The following DDX60 variants were observed in gnomAD, a reference collection of about 807,000 sequenced individuals.
DDX60 encodes the protein probable ATP-dependent RNA helicase DDX60.
DDX60 carries 165 observed loss-of-function variants against 212.8 expected under a neutral mutation model. The observed-to-expected ratio is 0.78, with a 90% CI of 0.68 to 0.88. The LOEUF is 0.88. Among genes scored for constraint, DDX60 ranks in the 40% least tolerant of loss-of-function variants. The pLI is 0.00. For missense variants in DDX60, 1,905 were observed against 2,003.9 expected (o/e 0.95, Z 0.94); for synonymous variants, 703 against 685.3 (o/e 1.03, Z -0.40).
At chr4:168,236,194 G>A (rs970929526) in intron 33 of DDX60, 58 bp downstream of exon 33, 2 of 1,517,406 alleles carry the variant, frequency 1.3e-6, no homozygotes, top group Admixed American at 4.0e-5. Context: ...AGTCATTTTA[G>A]GTAAGATCTA....
At chr4:168,236,835 T>C (rs1330618607) in intron 32 of DDX60, among the ~76,000 whole-genome samples, 1 of 151,812 alleles carries the variant, frequency 6.6e-6, no homozygotes, top group Non-Finnish European at 1.5e-5. Flanking sequence ...TACTATACAA[T>C]AATATTCAAA....
At chr4:168,229,532 C>T (rs1252788914) in intron 33 of DDX60, among the ~76,000 whole-genome samples, 2 of 151,882 alleles carry the variant, frequency 1.3e-5, no homozygotes, top group Non-Finnish European at 2.9e-5. Context: ...ACAGGGAGTG[C>T]AGATACAAGC....
At chr4:168,260,068 T>C (rs1681316726) in intron 25 of DDX60, among the ~76,000 whole-genome samples, 1 of 152,092 alleles carries the variant, frequency 6.6e-6, no homozygotes, top group African/African-American at 2.4e-5. Flanking sequence ...AATACAAATA[T>C]AAGAATTGAA....
intron 16 of DDX60, among the ~76,000 whole-genome samples, chr4:168,274,555 T>C (rs1187235851): frequency 1.3e-5 from 2 of 152,126 alleles, no homozygotes; most frequent in Non-Finnish European, 2.9e-5. Context: ...AATAAGTCTA[T>C]GTAATAGGTA....
intron 37 of DDX60, among the ~76,000 whole-genome samples, 155 bp from the exon 38 acceptor site, chr4:168,217,187 T>TA (rs1732877980): frequency 6.6e-6 from 1 of 152,104 alleles, no homozygotes; most frequent in African/African-American, 2.4e-5. Context: ...ATATTTCTCC[T>TA]AAAAAATCTT....
intron 6 of DDX60, among the ~76,000 whole-genome samples, chr4:168,294,665 C>CT (rs1344932998): frequency 1.3e-5 from 2 of 151,922 alleles, no homozygotes; most frequent in Non-Finnish European, 2.9e-5. Context: ...TACTGCCAGG[C>CT]TAATTTTTGT....
intron 30 of DDX60, among the ~76,000 whole-genome samples, chr4:168,244,806 T>C (rs534133321): frequency 2.0e-5 from 3 of 152,188 alleles, no homozygotes; most frequent in Admixed American, 2.0e-4. Context: ...AAATCCACAT[T>C]TGCATTATGA....
chr4:168,260,134 C>T (rs961957285), intron 25 of DDX60, among the ~76,000 whole-genome samples: 1 of 151,916 alleles, frequency 6.6e-6, no homozygotes, highest in Non-Finnish European at 1.5e-5. Context: ...TAAAATTATA[C>T]TTTAAGTTCT....
rs1389719033 is a variant in DDX60 at position 168,284,883 on chromosome 4, C to T, written c.1498G>A (p.Val500Met). 6.3e-7 allele frequency: 1 copy of T among 1,598,136 alleles called. No homozygotes were observed. The highest frequency in any genetic ancestry group is 1.1e-5 in the South Asian group (1 of 88,176). ...LVKQKEFDEL[V>M]HWHSHKPLSD... ...AGGGGTTTATGAGAATGCCAGTGCA[C>T]AAGTTCATCAAATTCCTTTTGTTTA... Residue 500 changes from valine (V) to methionine (M), a missense_variant, in exon 12 of 38, where the codon GTG (valine) becomes ATG (methionine). Val to Met is a conservative substitution (Grantham distance 21). Coordinates refer to ENST00000393743, the MANE Select transcript of DDX60 (RefSeq NM_017631.6).
chr4:168,306,833 T>C, intron 4 of DDX60, 113 bp from the exon 5 acceptor site: 1 of 790,684 alleles, frequency 1.3e-6, no homozygotes, highest in East Asian at 2.6e-5. Context: ...TTTTGTTCTG[T>C]CTGATGGTCG....
intron 22 of DDX60, among the ~76,000 whole-genome samples, chr4:168,265,044 TC>T (rs1199572498): frequency 2.0e-5 from 3 of 152,200 alleles, no homozygotes. Flanking sequence ...TTCAAGGACT[TC>T]CTGGGGCTGA....
chr4:168,287,525 A>G (rs1735912923), intron 9 of DDX60, among the ~76,000 whole-genome samples: 1 of 152,206 alleles, frequency 6.6e-6, no homozygotes, highest in South Asian at 2.1e-4. Flanking sequence ...CAACAAACAA[A>G]ACAGAATAAA....
At position 168,310,552 on chromosome 4, in the gene DDX60, G is replaced by A. The variant is rs529461532; in HGVS notation, c.74+446C>T. On this transcript the variant is annotated intron_variant, in intron 3 of 37. Transcript: ENST00000393743. Reference sequence around the variant, plus strand: ...AGCCATTGAAGAATTTTAAGCAGGTGGCATTACGATGGGCTTTGCATTTGG... The same window carrying A: ...AGCCATTGAAGAATTTTAAGCAGGTAGCATTACGATGGGCTTTGCATTTGG... 1.0e-3 allele frequency among the ~76,000 whole-genome samples: 152 copies of A among 152,240 alleles called. 1 individual carries two copies. Among genetic ancestry groups the A allele is most frequent in the Middle Eastern group, 6.8e-3 (2 of 294 alleles).
chr4:168,309,503 G>A (rs191470552), intron 3 of DDX60, among the ~76,000 whole-genome samples: 31 of 151,706 alleles, frequency 2.0e-4, no homozygotes, highest in Non-Finnish European at 3.8e-4. Context: ...TTTTGTGAAA[G>A]GCTTTTTTTT....
At chr4:168,264,235 A>G (rs1263597120) in intron 22 of DDX60, among the ~76,000 whole-genome samples, 1 of 152,190 alleles carries the variant, frequency 6.6e-6, no homozygotes, top group Admixed American at 6.5e-5. Flanking sequence ...TCCACCCTAA[A>G]GACTGCAGTG....
At chr4:168,281,635 T>TATGCTTTTACC (rs1268202005) in intron 13 of DDX60, among the ~76,000 whole-genome samples, 1 of 152,238 alleles carries the variant, frequency 6.6e-6, no homozygotes, top group Non-Finnish European at 1.5e-5. Context: ...CCACTTTTAC[T>TATGCTTTTACC]ATGCTTTTAC....
intron 33 of DDX60, 139 bp downstream of exon 33, chr4:168,236,113 G>T: frequency 2.6e-6 from 2 of 782,884 alleles, no homozygotes; most frequent in Non-Finnish European, 3.8e-6. Context: ...ATATCACACT[G>T]ATTACAAAAA....
At chr4:168,315,713 G>T (rs1737338609) in intron 1 of DDX60, among the ~76,000 whole-genome samples, 1 of 152,200 alleles carries the variant, frequency 6.6e-6, no homozygotes, top group African/African-American at 2.4e-5. Context: ...TGCTGAGAAT[G>T]ATGGCTTCCA....
At chr4:168,269,059 G>T in intron 19 of DDX60, 90 bp from the exon 20 acceptor site, 1 of 663,934 alleles carries the variant, frequency 1.5e-6, no homozygotes, top group Non-Finnish European at 2.5e-6. Context: ...AAATTGTCAT[G>T]CATGCCTTCC....
Sources: gnomAD v4.1 joint callset for allele counts (sites outside exome capture counted in the v4.1 genomes callset) on GRCh38, gnomAD v4.1.1 for gene constraint, MANE v1.5 for transcripts, NCBI Gene and HGNC (gene_info 2026-07-23, HGNC 2026-07-21) for gene names.